TXNRD2: variants seen among roughly 807,000 people sequenced by gnomAD.
The protein encoded by TXNRD2 is thioredoxin reductase 2, also known as thioredoxin reductase 2, mitochondrial.
TXNRD2 carries 67 observed loss-of-function variants against 70.8 expected under a neutral mutation model. That is an observed-to-expected ratio of 0.95 (90% CI 0.78 to 1.16). The LOEUF is 1.16. Among genes scored for constraint, TXNRD2 ranks in the 50% most tolerant of loss-of-function variants. The pLI is 0.00. For missense variants in TXNRD2, 644 were observed against 719.9 expected, an observed-to-expected ratio of 0.89 and a Z score of 1.21; for synonymous variants, 301 against 295.8, an observed-to-expected ratio of 1.02 and a Z score of -0.18.
chr22:19,877,270 G>A, intron 16 of TXNRD2, 36 bp from the exon 17 acceptor site: 3 of 1,587,922 alleles, frequency 1.9e-6, no homozygotes, highest in Middle Eastern at 1.8e-4. Context: ...GGCGGGGTCA[G>A]CACAGGGAGG....
At position 19,919,019 on chromosome 22, in the gene TXNRD2, G is replaced by A; in HGVS notation, c.230-15C>T. On this transcript the variant is annotated splice_polypyrimidine_tract_variant and intron_variant, in intron 3 of 17. Coordinates refer to ENST00000400521, the MANE Select transcript of TXNRD2 (RefSeq NM_006440.5). Reference sequence around the variant, plus strand: ...CCACCGGGTGCCTGGGACGTGGGAAGAGCACATTTGAATTTATGTTCAGGT... The same window carrying A: ...CCACCGGGTGCCTGGGACGTGGGAAAAGCACATTTGAATTTATGTTCAGGT... The A allele has an allele frequency of 1.2e-6, 2 of 1,605,246 alleles. No homozygotes were observed. Among genetic ancestry groups the A allele is most frequent in the South Asian group, 1.1e-5 (1 of 90,904 alleles).
intron 2 of TXNRD2, 141 bp from the exon 3 acceptor site, chr22:19,919,740 G>GCAAT (rs775812332): frequency 4.9e-4 from 393 of 805,094 alleles, no homozygotes; most frequent in Admixed American, 1.6e-3. Context: ...GCTGAGCTGC[G>GCAAT]CAATGCTAGG....
Position 19,895,510 on chromosome 22 carries a change from C to T in TXNRD2, c.846G>A (p.Ser282=), listed in dbSNP as rs373979565. ...GTRFLRGCAP[S]RVRRLPDGQL... is the part of the protein sequence containing the mutation. The stretch of plus-strand genomic sequence containing the variant: ...GGCCATCAGGGAGCCTCCTGACCCG[C>T]GAGGGGGCACAGCCCCTCAGGAACC... The change falls in exon 11 of 18, where the codon TCG becomes TCA. Residue 282 remains serine, a synonymous_variant. Transcript: ENST00000400521. 34 of 1,613,744 alleles carry T rather than the reference C, an allele frequency of 2.1e-5. No homozygotes were observed. The highest frequency in any genetic ancestry group is 1.0e-4 in the Admixed American group (6 of 60,006).
At chr22:19,908,618 C>G (rs560904812) in intron 8 of TXNRD2, among the ~76,000 whole-genome samples, 18 of 152,268 alleles carry the variant, frequency 1.2e-4, no homozygotes, top group African/African-American at 4.1e-4. Flanking sequence ...ATCCAGCAAT[C>G]CCACTTCTGG....
Position 19,879,621 on chromosome 22 carries a change from G to A in TXNRD2, c.1275+558C>T, listed in dbSNP as rs547522491. ...AGGAAGACGAGGTGCAGGGTGGTGG[G>A]GGGGGTGGGGGTGGAAGCAGAGGTC... is the stretch of plus-strand genomic sequence containing the variant. On this transcript the variant is annotated intron_variant, in intron 14 of 17. Transcript: ENST00000400521. Among the ~76,000 whole-genome samples, 9 of 151,676 alleles carry A rather than the reference G, an allele frequency of 5.9e-5. No homozygotes were observed. The East Asian group carries it at 1.6e-3, about 26-fold the overall frequency.
chr22:19,894,983 AAAAG>A, intron 11 of TXNRD2: 3 of 1,470,570 alleles, frequency 2.0e-6, no homozygotes, highest in Non-Finnish European at 2.7e-6. Context: ...AAAAAAAAAA[AAAAG>A]AAAAGAAACA....
rs1939453168 is a variant in TXNRD2, at chr22:19,895,338, G to A, written c.949+69C>T. ...GGGGAGCCCTGGGAGGTGACAGGAA[G>A]TGGGGCAAAGATTCTCCATGCACCT... On this transcript the variant is annotated intron_variant, in intron 11 of 17. Transcript: ENST00000400521. 8.1e-6 allele frequency: 13 copies of A among 1,608,498 alleles called. No homozygotes were observed. The South Asian group carries it at 1.2e-4, about 15-fold the overall frequency.
Position 19,877,126 on chromosome 22 carries a change from CG to C in TXNRD2, c.1553del (p.Thr518ArgfsTer2). 6.2e-7 allele frequency: 1 copy of C among 1,601,346 alleles called. No homozygotes were observed. The highest frequency in any genetic ancestry group is 8.5e-7 in the Non-Finnish European group (1 of 1,170,298). ...GCGCTTACCCTCAGCAGCCTGTCAC[CG>C]TGGGGTCCAGGCCTGAGCGCTTGGA... ...RISKRSGLDP[T>X]VTGCUG On this transcript the variant is annotated frameshift_variant, in exon 17 of 18. Coordinates refer to ENST00000400521, the MANE Select transcript of TXNRD2 (RefSeq NM_006440.5). LOFTEE classifies it high-confidence loss of function.
intron 8 of TXNRD2, among the ~76,000 whole-genome samples, chr22:19,907,574 C>T (rs1352522316): frequency 2.4e-4 from 7 of 29,314 alleles, no homozygotes; most frequent in Admixed American, 5.7e-4. Context: ...GTGTGGGCGC[C>T]GTGGGTAGCA....
rs369553856 is a variant in TXNRD2 at position 19,930,976 on chromosome 22, T to G, written c.172+54A>C. On this transcript the variant is annotated intron_variant, in intron 2 of 17. Coordinates refer to ENST00000400521, the MANE Select transcript of TXNRD2 (RefSeq NM_006440.5). Reference sequence around the variant, plus strand: ...ACGTTTTCTGGACAGCACCACCCTCTCTAGGGGCCCTAAAAGCTTCGAGGC... The same window carrying G: ...ACGTTTTCTGGACAGCACCACCCTCGCTAGGGGCCCTAAAAGCTTCGAGGC... 5 of 1,551,172 alleles carry G rather than the reference T, an allele frequency of 3.2e-6. No individual in the cohort carries two copies. The African/African-American group carries it at 6.8e-5, about 21-fold the overall frequency.
chr22:19,883,280 G>C (rs1442745272), intron 12 of TXNRD2, 45 bp downstream of exon 12: 1 of 1,605,048 alleles, frequency 6.2e-7, no homozygotes, highest in Non-Finnish European at 8.5e-7. Context: ...AGGGGTGGTG[G>C]AGCAGGCAGG....
intron 11 of TXNRD2, 155 bp downstream of exon 11, chr22:19,895,252 T>C (rs2145969122): frequency 6.3e-7 from 1 of 1,594,442 alleles, no homozygotes; most frequent in Non-Finnish European, 8.5e-7. Context: ...CCCACAGGCC[T>C]TCACGGTTGC....
chr22:19,879,618 T>A (rs1349072626), intron 14 of TXNRD2, among the ~76,000 whole-genome samples: 1 of 19,670 alleles, frequency 5.1e-5, no homozygotes, highest in Non-Finnish European at 1.1e-4. Flanking sequence ...TGCAGGGTGG[T>A]GGGGGGGGTG....
chr22:19,883,229 T>C, intron 12 of TXNRD2, 96 bp downstream of exon 12: 1 of 1,491,944 alleles, frequency 6.7e-7, no homozygotes, highest in Non-Finnish European at 9.1e-7. Flanking sequence ...GAAAGTGTCG[T>C]TTCTCTCCTA....
At chr22:19,922,907 T>A (rs914080383) in intron 2 of TXNRD2, among the ~76,000 whole-genome samples, 8 of 152,070 alleles carry the variant, frequency 5.3e-5, no homozygotes, top group Non-Finnish European at 8.8e-5. Flanking sequence ...CAGGCTGGTC[T>A]TAAACTCCTG....
chr22:19,880,506 C>T (rs977373370), intron 13 of TXNRD2, 116 bp downstream of exon 13: 42 of 975,546 alleles, frequency 4.3e-5, no homozygotes, highest in African/African-American at 1.3e-4. Flanking sequence ...CGCACACACA[C>T]GCATGCCCAC....
chr22:19,883,840 C>T, intron 11 of TXNRD2: 1 of 254,188 alleles, frequency 3.9e-6, no homozygotes, highest in Non-Finnish European at 7.8e-6. Context: ...ATAGTCCCAG[C>T]TACTCGGGAG....
chr22:19,894,983 A>AAG lies in TXNRD2; in HGVS notation c.949+423_949+424insCT, dbSNP rs968807534. ...AGACTCCATCTCAAAAAAAAAAAAA[A>AAG]AAAGAAAAGAAACATACCAAGACTT... On this transcript the variant is annotated intron_variant, in intron 11 of 17. Coordinates refer to ENST00000400521, the MANE Select transcript of TXNRD2 (RefSeq NM_006440.5). 220 of 1,470,556 alleles carry AAG rather than the reference A, an allele frequency of 1.5e-4. 1 individual carries two copies. Among genetic ancestry groups the AAG allele is most frequent in the Non-Finnish European group, 9.8e-6 (11 of 1,119,072 alleles). The allele number at this position is 1,470,556 out of a possible 1,614,324, so 91.1% of individuals were successfully genotyped here.
chr22:19,914,959 G>C (rs931429947), intron 7 of TXNRD2: 92 of 505,054 alleles, frequency 1.8e-4, no homozygotes, highest in Non-Finnish European at 3.2e-4. Flanking sequence ...TGTGGAAGGG[G>C]ACAGATCCAG....
Sources: allele counts gnomAD v4.1 joint callset (sites outside exome capture counted in the v4.1 genomes callset), GRCh38; gene constraint gnomAD v4.1.1; transcripts MANE v1.5; gene names NCBI Gene and HGNC (gene_info 2026-07-23, HGNC 2026-07-21).